Variants in KIF5C observed in about 807,000 individuals in gnomAD.
The protein encoded by KIF5C is kinesin family member 5C.
Under a neutral mutation model 125.2 loss-of-function variants are expected in KIF5C, and 18 were observed. That is an observed-to-expected ratio of 0.14 (90% CI 0.10 to 0.21). The LOEUF (loss-of-function observed/expected upper bound fraction) is 0.21, where lower values mean the gene tolerates loss of function less well. KIF5C is among the 10% of genes least tolerant of loss of function. KIF5C has a pLI of 1.00. For synonymous variants in KIF5C, 405 were observed against 434.0 expected (o/e 0.93, Z 0.83); for missense variants, 780 against 1,183.8 (o/e 0.66, Z 5.01).
chr2:148,963,024 A>T (rs374325822), intron 11 of KIF5C, among the ~76,000 whole-genome samples: 2 of 152,094 alleles, frequency 1.3e-5, no homozygotes, highest in South Asian at 2.1e-4. Flanking sequence ...CTACTGGGAG[A>T]AAATATCTCA....
chr2:148,970,070 G>A (rs550948291), intron 11 of KIF5C, among the ~76,000 whole-genome samples: 1 of 152,168 alleles, frequency 6.6e-6, no homozygotes, highest in Non-Finnish European at 1.5e-5. Flanking sequence ...ACTGAAAAGA[G>A]CTGGTTGTTT....
intron 10 of KIF5C, among the ~76,000 whole-genome samples, chr2:148,952,080 C>G (rs530697500): frequency 6.6e-6 from 1 of 152,184 alleles, no homozygotes; most frequent in African/African-American, 2.4e-5. Context: ...AATGCTTAGG[C>G]CAAGGGGGTT....
At chr2:148,969,539 G>A (rs939799494) in intron 11 of KIF5C, among the ~76,000 whole-genome samples, 1 of 151,760 alleles carries the variant, frequency 6.6e-6, no homozygotes, top group Non-Finnish European at 1.5e-5. Context: ...ATAAGCCTCC[G>A]GGGCTAAACT....
At chr2:148,938,166 G>T (rs1325278723) in intron 4 of KIF5C, among the ~76,000 whole-genome samples, 1 of 148,648 alleles carries the variant, frequency 6.7e-6, no homozygotes, top group Non-Finnish European at 1.5e-5. Flanking sequence ...ACTTGTTTAA[G>T]CAAATAGAGG....
intron 22 of KIF5C, among the ~76,000 whole-genome samples, chr2:149,007,317 G>A (rs1272154316): frequency 6.6e-6 from 1 of 152,194 alleles, no homozygotes; most frequent in East Asian, 1.9e-4. Context: ...ACACTGGGAT[G>A]TGTTAGGACC....
At chr2:148,989,547 T>C (rs1022375377) in intron 15 of KIF5C, among the ~76,000 whole-genome samples, 6 of 152,234 alleles carry the variant, frequency 3.9e-5, no homozygotes, top group African/African-American at 1.4e-4. Flanking sequence ...TTTTAGTTCT[T>C]TAAAGAATCT....
At chr2:148,888,142 T>A (rs1681601435) in intron 1 of KIF5C, 1 of 152,150 alleles carries the variant, frequency 6.6e-6, no homozygotes, top group Non-Finnish European at 1.5e-5. Flanking sequence ...GCCGCCCTGG[T>A]GCCTGGCTGC....
intron 10 of KIF5C, among the ~76,000 whole-genome samples, chr2:148,960,047 T>C (rs1177383289): frequency 6.6e-6 from 1 of 152,228 alleles, no homozygotes; most frequent in Non-Finnish European, 1.5e-5. Context: ...TGTTAAGCAC[T>C]CTTCAAATCA....
intron 11 of KIF5C, among the ~76,000 whole-genome samples, chr2:148,972,598 A>G (rs1354052573): frequency 6.6e-6 from 1 of 152,224 alleles, no homozygotes; most frequent in African/African-American, 2.4e-5. Context: ...GAAGGCCCCA[A>G]CAAATGCTAC....
chr2:149,006,903 A>G lies in KIF5C; in HGVS notation c.2446-1060A>G, dbSNP rs527716187. Among the ~76,000 whole-genome samples, 17 of 152,242 alleles carry G rather than the reference A, an allele frequency of 1.1e-4. 2 individuals carry two copies. The South Asian group carries it at 3.5e-3, about 32-fold the overall frequency. On this transcript the variant is annotated intron_variant, in intron 22 of 25. Transcript: ENST00000435030. ...GAGGAAGGAGGTGGAAGCCATGACC[A>G]TACATGGGAGGCTGTGGTCCTAGGG...
At chr2:148,943,198 T>C (rs1175042139) in intron 7 of KIF5C, among the ~76,000 whole-genome samples, 1 of 152,214 alleles carries the variant, frequency 6.6e-6, no homozygotes, top group Non-Finnish European at 1.5e-5. Flanking sequence ...GATTTCTGCC[T>C]TCTGTAAAAA....
chr2:148,949,755 C>T, intron 8 of KIF5C, 84 bp from the exon 9 acceptor site: 1 of 1,521,116 alleles, frequency 6.6e-7, no homozygotes. Context: ...AGGCTGTCCC[C>T]CTTTGCCCTC....
intron 21 of KIF5C, among the ~76,000 whole-genome samples, chr2:149,002,743 A>G (rs1681891166): frequency 6.6e-6 from 1 of 151,886 alleles, no homozygotes; most frequent in Non-Finnish European, 1.5e-5. Context: ...TCACTCATAC[A>G]CTCATTCACT....
intron 25 of KIF5C, among the ~76,000 whole-genome samples, chr2:149,022,668 A>C (rs1682567050): frequency 6.6e-6 from 1 of 152,134 alleles, no homozygotes; most frequent in African/African-American, 2.4e-5. Context: ...TTATACCTGT[A>C]ATCCCAGCAC....
chr2:148,987,121 G>T (rs1681399357), intron 15 of KIF5C, among the ~76,000 whole-genome samples: 3 of 152,186 alleles, frequency 2.0e-5, no homozygotes, highest in Non-Finnish European at 2.9e-5. Flanking sequence ...GCACTTTGAG[G>T]ATGGGAAGAA....
At chr2:149,003,196 G>A (rs538917546) in intron 21 of KIF5C, among the ~76,000 whole-genome samples, 3 of 152,358 alleles carry the variant, frequency 2.0e-5, no homozygotes, top group South Asian at 4.1e-4. Context: ...TCCCCGAGCC[G>A]TAAATGTTCT....
chr2:148,911,995 A>G lies in KIF5C; in HGVS notation c.127-10142A>G, dbSNP rs73966642. Among the ~76,000 whole-genome samples, 924 of 152,078 alleles carry G rather than the reference A, an allele frequency of 6.1e-3. 3 individuals are homozygous for G. Among genetic ancestry groups the G allele is most frequent in the African/African-American group, 0.021 (878 of 41,468 alleles). ...TCCTGCCCCTCCCTCTTTCCTCCCC[A>G]TCCCAACTTCACTGCTTAGAAATGA... On this transcript the variant is annotated intron_variant, in intron 1 of 25. Coordinates refer to ENST00000435030, the MANE Select transcript of KIF5C (RefSeq NM_004522.3).
intron 11 of KIF5C, among the ~76,000 whole-genome samples, chr2:148,964,368 A>G (rs1043500243): frequency 7.2e-5 from 11 of 152,156 alleles, no homozygotes; most frequent in African/African-American, 2.7e-4. Context: ...TTTGGGGAAA[A>G]TAATGTATGA....
intron 7 of KIF5C, among the ~76,000 whole-genome samples, chr2:148,944,616 C>G (rs1682482673): frequency 6.6e-6 from 1 of 152,170 alleles, no homozygotes; most frequent in African/African-American, 2.4e-5. Context: ...GTGCAAACAT[C>G]TATTTGAGTC....
Sources: gnomAD v4.1 joint callset for allele counts (sites outside exome capture counted in the v4.1 genomes callset) on GRCh38, gnomAD v4.1.1 for gene constraint, MANE v1.5 for transcripts, NCBI Gene and HGNC (gene_info 2026-07-23, HGNC 2026-07-21) for gene names.